Variants in BRF1 observed in about 807,000 individuals in gnomAD.
BRF1 encodes BRF1 general transcription factor IIIB subunit.
In BRF1, 59 loss-of-function variants were observed where a neutral mutation model predicts 81.7. The ratio of observed to expected loss-of-function variants is 0.72; its 90% confidence interval spans 0.59 to 0.90. BRF1 has a LOEUF of 0.90. BRF1 is among the 40% of genes least tolerant of loss of function. BRF1 has a pLI of 0.00. For missense variants in BRF1, 1,050 were observed against 936.3 expected (o/e 1.12, Z -1.58); for synonymous variants, 491 against 395.6 (o/e 1.24, Z -2.86).
rs1891509795 is a variant in BRF1 at position 105,217,421 on chromosome 14, A to G, written c.1772+123T>C. 1.3e-5 allele frequency: 19 copies of G among 1,466,854 alleles called. No individual in the cohort carries two copies. In the South Asian group the frequency reaches 2.5e-4, roughly 20 times the overall value. 90.9% of individuals were successfully genotyped at this position (1,466,854 alleles called of 1,614,324 possible). A position where few individuals can be genotyped will look rare whatever the true frequency, so the allele number is the denominator to read the frequency against. ...CACCAGTCCCCAGCATGCAGGTGGC[A>G]AATGCCACTCCAGGCACTTCTGTGG... On this transcript the variant is annotated intron_variant, in intron 15 of 17. Transcript: ENST00000547530.
intron 2 of BRF1, among the ~76,000 whole-genome samples, chr14:105,275,135 T>C (rs1463541314): frequency 6.6e-6 from 1 of 152,208 alleles, no homozygotes; most frequent in Admixed American, 6.5e-5. Flanking sequence ...ACTTCACTAA[T>C]GATGACCAGC....
intron 5 of BRF1, among the ~76,000 whole-genome samples, chr14:105,245,476 A>G (rs1025583310): frequency 2.6e-5 from 4 of 152,234 alleles, no homozygotes; most frequent in Non-Finnish European, 4.4e-5. Context: ...AATAAGAAAA[A>G]GAAGCAAATA....
intron 5 of BRF1, chr14:105,242,445 T>C (rs2054747903): frequency 6.6e-6 from 1 of 151,914 alleles, no homozygotes; most frequent in South Asian, 2.1e-4. Context: ...CGATAAAAAA[T>C]ATGCTCATAG....
At chr14:105,247,945 C>A (rs759171747) in intron 5 of BRF1, 23 of 985,364 alleles carry the variant, frequency 2.3e-5, no homozygotes, top group Non-Finnish European at 2.7e-5. Flanking sequence ...AGCGAGCCTG[C>A]GACTGCGATC....
chr14:105,229,298 C>T (rs759329304), intron 6 of BRF1, among the ~76,000 whole-genome samples: 2 of 152,216 alleles, frequency 1.3e-5, no homozygotes, highest in African/African-American at 4.8e-5. Context: ...CCACAGCTGG[C>T]AGCTGACACA....
rs1893042296 is a variant in BRF1 at position 105,226,101 on chromosome 14, G to C, written c.1016C>G (p.Ala339Gly). 3.7e-6 allele frequency: 6 copies of C among 1,613,918 alleles called. No homozygotes were observed. In the East Asian group the frequency reaches 1.3e-4, roughly 36 times the overall value. The change falls in exon 10 of 18, where the codon GCC (alanine) becomes GGC (glycine). Residue 339 changes from alanine to glycine, a missense_variant. Ala to Gly is a moderately conservative substitution (Grantham distance 60). This residue lies in a region of BRF1 where 1,043 missense variants were observed against 915.4 expected (regional missense o/e 1.14). Coordinates refer to ENST00000547530, the MANE Select transcript of BRF1 (RefSeq NM_001519.4). ...TGCCAGGCTGGCCAGGCCCCCCTTG[G>C]CCTTTGGCCGGCTGTTTTCTAGTTC... ...EIELENSRPK[A>G]KGGLASLAKD...
chr14:105,275,279 C>G (rs1284357764), intron 2 of BRF1, among the ~76,000 whole-genome samples: 2 of 152,190 alleles, frequency 1.3e-5, no homozygotes, highest in African/African-American at 4.8e-5. Flanking sequence ...AGCCCCCAGC[C>G]CGGCTGTGGC....
At chr14:105,229,648 G>GAC (rs1384061308) in intron 6 of BRF1, among the ~76,000 whole-genome samples, 11 of 151,120 alleles carry the variant, frequency 7.3e-5, no homozygotes, top group African/African-American at 1.9e-4. Context: ...GGGGGCGGGG[G>GAC]ACAGCCTGGC....
At chr14:105,219,885 A>G in intron 12 of BRF1, 184 bp downstream of exon 12, 1 of 665,752 alleles carries the variant, frequency 1.5e-6, no homozygotes, top group South Asian at 1.9e-5. Context: ...CCGAGCCGAC[A>G]CTGGAGAAGA....
In BRF1 at chr14:105,244,164, G is replaced by A. The variant is rs149978210; in HGVS notation, c.545-2750C>T. Among the ~76,000 whole-genome samples, 510 of 151,746 alleles carry A rather than the reference G, an allele frequency of 3.4e-3. 3 individuals are homozygous for A. Among genetic ancestry groups the A allele is most frequent in the East Asian group, 0.014 (74 of 5,148 alleles). ...TCTCTTAAAACAAAAATCTGGGGCC[G>A]GATGCAGTGGCTCACACCTGTGAGT... On this transcript the variant is annotated intron_variant, in intron 5 of 17. Transcript: ENST00000547530.
rs1261281999 is a variant in BRF1 at position 105,222,673 on chromosome 14, GGCT to G, written c.1049-762_1049-760del. On this transcript the variant is annotated intron_variant, in intron 10 of 17. Transcript: ENST00000547530. ...AGACGGAGTCTCGCTCTGTCGCCCA[GGCT>G]GGAGTGCAGTGACGCGATCTCGGCT... 88 of 151,604 alleles carry G rather than the reference GGCT, an allele frequency of 5.8e-4. 1 individual carries two copies. Among genetic ancestry groups the G allele is most frequent in the African/African-American group, 2.1e-3 (86 of 41,124 alleles). 9.4% of individuals were successfully genotyped at this position (151,604 alleles called of 1,614,324 possible).
chr14:105,286,294 AC>A lies in BRF1; in HGVS notation c.265+1del, dbSNP rs1392130352. ...CTCAGCAGCATCCGCGGTGGGAAAT[AC>A]CATTCTGCAGGGTCTGCGCTCTCGA... On this transcript the variant is annotated splice_donor_variant, in intron 2 of 17. Transcript: ENST00000547530. LOFTEE classifies it high-confidence loss of function. 1 of 1,612,418 alleles carries A rather than the reference AC, an allele frequency of 6.2e-7. No individual in the cohort carries two copies. Among genetic ancestry groups the A allele is most frequent in the African/African-American group, 1.3e-5 (1 of 74,904 alleles).
intron 10 of BRF1, among the ~76,000 whole-genome samples, chr14:105,225,307 C>G (rs1323802681): frequency 6.6e-6 from 1 of 152,196 alleles, no homozygotes; most frequent in African/African-American, 2.4e-5. Context: ...CACAACCAAC[C>G]AAATGGATCC....
chr14:105,252,413 G>T, intron 5 of BRF1, 94 bp downstream of exon 5: 1 of 1,508,538 alleles, frequency 6.6e-7, no homozygotes, highest in Non-Finnish European at 8.8e-7. Context: ...TCCCATGCTT[G>T]GACAGGATTT....
intron 2 of BRF1, among the ~76,000 whole-genome samples, chr14:105,282,434 A>C (rs959632142): frequency 6.6e-6 from 1 of 152,222 alleles, no homozygotes; most frequent in Non-Finnish European, 1.5e-5. Flanking sequence ...TAACAGTCGG[A>C]AGCTACATTC....
intron 2 of BRF1, among the ~76,000 whole-genome samples, chr14:105,285,180 T>C (rs891286978): frequency 6.6e-6 from 1 of 152,198 alleles, no homozygotes; most frequent in African/African-American, 2.4e-5. Flanking sequence ...AAATTCATAT[T>C]GCCACTCAAG....
chr14:105,288,134 A>G (rs2057382226), intron 1 of BRF1, among the ~76,000 whole-genome samples: 1 of 152,228 alleles, frequency 6.6e-6, no homozygotes, highest in African/African-American at 2.4e-5. Context: ...TGCCATAAAA[A>G]TTGCCACAAA....
intron 1 of BRF1, among the ~76,000 whole-genome samples, chr14:105,290,858 G>C (rs1256764066): frequency 6.6e-6 from 1 of 151,824 alleles, no homozygotes; most frequent in Non-Finnish European, 1.5e-5. Context: ...ACCTGCTCTG[G>C]AAGCGCCTCC....
chr14:105,309,776 C>CTTT lies in BRF1; in HGVS notation c.-162+5543_-162+5545dup, dbSNP rs928875653. Among the ~76,000 whole-genome samples the CTTT allele has an allele frequency of 4.8e-4, 43 of 89,234 alleles. 1 individual carries two copies. The highest frequency in any genetic ancestry group is 1.8e-3 in the African/African-American group (35 of 19,326). The allele number at this position is 89,234 out of a possible 152,430, so 58.5% of individuals were successfully genotyped here. A position where few individuals can be genotyped will look rare whatever the true frequency, so the allele number is the denominator to read the frequency against. On this transcript the variant is annotated intron_variant, in intron 1 of 17. Coordinates refer to the BRF1 transcript ENST00000327359. This position sits in a 1 kb window ranked among gnomAD's most constrained non-coding sequence, Gnocchi z 4.0. The stretch of plus-strand genomic sequence containing the variant: ...TTAAGGAGAAGGTGGTGATGTGTGT[C>CTTT]TTTTTTTTTTTTTTTTTTTTTTTTT...
Sources: gnomAD v4.1 joint callset for allele counts (sites outside exome capture counted in the v4.1 genomes callset) on GRCh38, gnomAD v4.1.1 for gene constraint, gnomAD v4.1.1 regional missense constraint, Gnocchi (gnomAD v3.1) non-coding constraint, MANE v1.5 for transcripts, NCBI Gene and HGNC (gene_info 2026-07-23, HGNC 2026-07-21) for gene names.